Variants in CCNH observed in about 807,000 individuals in gnomAD.
CCNH encodes cyclin-H.
A neutral mutation model predicts 41.9 loss-of-function variants in CCNH; 31 were observed. The observed-to-expected ratio is 0.74, with a 90% CI of 0.56 to 1.00. CCNH has a LOEUF of 1.00. CCNH is among the 50% of genes least tolerant of loss of function. The pLI, the probability that CCNH is intolerant of heterozygous loss-of-function variation, is 0.00. For synonymous variants in CCNH, 138 were observed against 136.1 expected, an observed-to-expected ratio of 1.01 and a Z score of -0.10; for missense variants, 362 against 388.4, an observed-to-expected ratio of 0.93 and a Z score of 0.57.
At chr5:87,332,446 C>T in intron 9 of CCNH, 1 of 1,492,218 alleles carries the variant, frequency 6.7e-7, no homozygotes, top group East Asian at 2.3e-5. Context: ...CTTTATAAAA[C>T]TTGATTTTTA....
chr5:87,362,685 T>C, intron 9 of CCNH: 1 of 1,601,204 alleles, frequency 6.2e-7, no homozygotes, highest in East Asian at 2.2e-5. Flanking sequence ...AGTTCAGACT[T>C]TTATCATTAA....
rs1757726554 is a variant in CCNH, at chr5:87,333,246, T to TC, written c.*91-14350_*91-14349insG. On this transcript the variant is annotated intron_variant and NMD_transcript_variant, in intron 9 of 9. Coordinates refer to the CCNH transcript ENST00000645953. ...ATAAAAAGACTATCTTTTTAAATCT[T>TC]TTTTTTTTTATGGTTTCTAGCCAGT... 6 of 1,581,552 alleles carry TC rather than the reference T, an allele frequency of 3.8e-6. No homozygotes were observed. The East Asian group carries it at 1.4e-4, about 36-fold the overall frequency.
At chr5:87,381,116 CATT>C (rs1761685001), upstream of CCNH, among the ~76,000 whole-genome samples, 2 of 152,078 alleles carry the variant, frequency 1.3e-5, no homozygotes, top group Admixed American at 1.3e-4. Context: ...ACTTCATTAT[CATT>C]ATTCTATAGG....
At chr5:87,361,864 G>A (rs1005211820) in intron 9 of CCNH, among the ~76,000 whole-genome samples, 1 of 151,978 alleles carries the variant, frequency 6.6e-6, no homozygotes, top group African/African-American at 2.4e-5. Context: ...TAAGAAATAT[G>A]TACATCCTAC....
At chr5:87,388,846 G>T (rs1762252732), downstream of CCNH, among the ~76,000 whole-genome samples, 2 of 152,070 alleles carry the variant, frequency 1.3e-5, no homozygotes, top group Non-Finnish European at 2.9e-5. Flanking sequence ...ATTTAATCCA[G>T]ATTAGCAGTT....
At chr5:87,330,953 T>G (rs1757557060) in intron 9 of CCNH, 1 of 1,435,676 alleles carries the variant, frequency 7.0e-7, no homozygotes, top group African/African-American at 1.4e-5. Context: ...ATGTGCCTTG[T>G]GAAGTCATGG....
chr5:87,346,999 A>C (rs1758912482), intron 9 of CCNH, among the ~76,000 whole-genome samples: 1 of 151,962 alleles, frequency 6.6e-6, no homozygotes, highest in African/African-American at 2.4e-5. Flanking sequence ...ATGTTTCTAG[A>C]AGTTTTCTGT....
chr5:87,338,105 T>A (rs748742437), intron 9 of CCNH: 1 of 1,611,600 alleles, frequency 6.2e-7, no homozygotes, highest in South Asian at 1.1e-5. Context: ...AGTTTTGTTC[T>A]TTTCTTCTCA....
intron 9 of CCNH, among the ~76,000 whole-genome samples, chr5:87,366,783 G>A (rs1436553677): frequency 6.6e-6 from 1 of 152,228 alleles, no homozygotes; most frequent in African/African-American, 2.4e-5. Flanking sequence ...TGTAATCCCA[G>A]CACTTCGGGA....
rs767007141 is a variant in CCNH, at chr5:87,376,454, G to A, written n.727C>T. The A allele has an allele frequency of 4.3e-6, 7 of 1,613,992 alleles. No individual in the cohort carries two copies. In the Admixed American group the frequency reaches 5.0e-5, roughly 12 times the overall value. On this transcript the variant is annotated non_coding_transcript_exon_variant, in exon 1 of 1. Coordinates refer to the CCNH transcript ENST00000607486. ...GGCATGCCACAGATGAATGGTTTCTGCTCAGCTCCCATATACCATTAAAAG... is the reference window on the plus strand; with the variant it reads ...GGCATGCCACAGATGAATGGTTTCTACTCAGCTCCCATATACCATTAAAAG...
intron 9 of CCNH, chr5:87,331,312 A>G (rs1318361882): frequency 2.6e-6 from 4 of 1,559,734 alleles, no homozygotes; most frequent in East Asian, 2.2e-5. Flanking sequence ...TGCACTTGCT[A>G]TTTATATTGT....
At chr5:87,338,277 T>C (rs2112387352) in intron 9 of CCNH, among the ~76,000 whole-genome samples, 1 of 151,960 alleles carries the variant, frequency 6.6e-6, no homozygotes. Flanking sequence ...TTATAATACA[T>C]AGCTGCCAAT....
intron 9 of CCNH, among the ~76,000 whole-genome samples, chr5:87,323,239 A>T (rs1756957608): frequency 6.6e-6 from 1 of 152,200 alleles, no homozygotes; most frequent in Admixed American, 6.5e-5. Context: ...TAAAAAAGTT[A>T]AATAGGAGAA....
chr5:87,394,537 G>GTT, intron 8 of CCNH, 53 bp from the exon 9 acceptor site: 2 of 1,604,452 alleles, frequency 1.2e-6, no homozygotes, highest in Non-Finnish European at 1.7e-6. Context: ...AACCAGTATT[G>GTT]TTTACCTCTT....
In CCNH at chr5:87,394,396, G is replaced by A. The variant is rs767820975; in HGVS notation, c.*50C>T. On this transcript the variant is annotated 3_prime_UTR_variant, in exon 9 of 9. Coordinates refer to ENST00000256897, the MANE Select transcript of CCNH (RefSeq NM_001239.4). ...TTAAATAAAGTTAAACGTTTGATAT[G>A]CTTCCTACTTCTCTTGATTAGTTAG... 1.9e-6 allele frequency: 3 copies of A among 1,590,198 alleles called. No homozygotes were observed. The highest frequency in any genetic ancestry group is 2.2e-5 in the East Asian group (1 of 44,446).
rs372828519 is a variant in CCNH at position 87,338,532 on chromosome 5, TAA to T, written c.*91-19637_*91-19636del. Reference sequence around the variant, plus strand: ...ATATATATATATATATATATATATATAAAATTTTTTTTTTTTTTAAGTAGAAA... The same window carrying T: ...ATATATATATATATATATATATATATAATTTTTTTTTTTTTTAAGTAGAAA... On this transcript the variant is annotated intron_variant and NMD_transcript_variant, in intron 9 of 9. Transcript: ENST00000645953. Among the ~76,000 whole-genome samples, 191 of 59,704 alleles carry T rather than the reference TAA, an allele frequency of 3.2e-3. 11 individuals are homozygous for T. Among genetic ancestry groups the T allele is most frequent in the Middle Eastern group, 0.024 (2 of 82 alleles). 39.2% of individuals were successfully genotyped at this position (59,704 alleles called of 152,430 possible).
downstream of CCNH, among the ~76,000 whole-genome samples, chr5:87,374,586 C>G (rs1402690590): frequency 6.7e-6 from 1 of 150,270 alleles, no homozygotes; most frequent in East Asian, 2.0e-4. Context: ...AAATACAAAA[C>G]ATTTACTAGG....
intron 9 of CCNH, among the ~76,000 whole-genome samples, chr5:87,370,397 CCTT>C (rs1444694608): frequency 2.0e-5 from 3 of 152,166 alleles, no homozygotes; most frequent in Admixed American, 6.6e-5. Context: ...TGTGCAGTGT[CCTT>C]CTTATAGCGT....
chr5:87,356,915 T>C (rs1007367634), intron 9 of CCNH, among the ~76,000 whole-genome samples: 1 of 152,162 alleles, frequency 6.6e-6, no homozygotes, highest in Admixed American at 6.5e-5. Flanking sequence ...TTAAGGTCTA[T>C]GAGAACAGAG....
Sources: gnomAD v4.1 joint callset for allele counts (sites outside exome capture counted in the v4.1 genomes callset) on GRCh38, gnomAD v4.1.1 for gene constraint, MANE v1.5 for transcripts, NCBI Gene and HGNC (gene_info 2026-07-23, HGNC 2026-07-21) for gene names.